DYNC2H1: variants seen among roughly 807,000 people sequenced by gnomAD.
DYNC2H1 encodes dynein cytoplasmic 2 heavy chain 1.
In DYNC2H1, 410 loss-of-function variants were observed where a neutral mutation model predicts 570.0. That is an observed-to-expected ratio of 0.72 (90% CI 0.66 to 0.78). The LOEUF (loss-of-function observed/expected upper bound fraction) is 0.78. Among genes scored for constraint, DYNC2H1 ranks in the 30% least tolerant of loss-of-function variants. The pLI is 0.00. For synonymous variants in DYNC2H1, 1,688 were observed against 1,677.6 expected (o/e 1.01, Z -0.15); for missense variants, 4,865 against 5,046.4 (o/e 0.96, Z 1.09).
At position 103,109,554 on chromosome 11, in the gene DYNC2H1, T is replaced by C. The variant is rs1359870998; in HGVS notation, c.-21T>C. The C allele has an allele frequency of 6.2e-7, 1 of 1,609,564 alleles. No homozygotes were observed. On this transcript the variant is annotated 5_prime_UTR_variant, in exon 1 of 89. Coordinates refer to ENST00000375735, the MANE Select transcript of DYNC2H1 (RefSeq NM_001377.3). ...CTTCTTCCTTCCCCCTTCCCCCAAC[T>C]TCCCTCCACCCCTTCCAATCATGGC...
Position 103,439,707 on chromosome 11 carries a change from T to A in DYNC2H1, c.12456+3675T>A, listed in dbSNP as rs1944195412. ...GCAGCCTTGCATTCACTCTCTGGTTTCTGTAAGATCCTTTAGAGCAAAGAT... is the reference window on the plus strand; with the variant it reads ...GCAGCCTTGCATTCACTCTCTGGTTACTGTAAGATCCTTTAGAGCAAAGAT... On this transcript the variant is annotated intron_variant, in intron 85 of 88. Coordinates refer to ENST00000375735, the MANE Select transcript of DYNC2H1 (RefSeq NM_001377.3). The surrounding 1 kb of genome is among the most constrained non-coding windows in gnomAD (Gnocchi z 4.1). 6.6e-6 allele frequency among the ~76,000 whole-genome samples: 1 copy of A among 152,010 alleles called. No individual in the cohort carries two copies. Among genetic ancestry groups the A allele is most frequent in the African/African-American group, 2.4e-5 (1 of 41,384 alleles).
chr11:103,448,744 C>T (rs1479929572), intron 85 of DYNC2H1, among the ~76,000 whole-genome samples: 1 of 152,084 alleles, frequency 6.6e-6, no homozygotes, highest in Non-Finnish European at 1.5e-5. Flanking sequence ...TTACCTGTTT[C>T]TTGGTTAAGG....
intron 75 of DYNC2H1, among the ~76,000 whole-genome samples, chr11:103,301,102 A>G (rs373748552): frequency 5.8e-4 from 88 of 152,048 alleles, no homozygotes; most frequent in African/African-American, 2.0e-3. Context: ...AAGTGTATAC[A>G]TTACAATATG....
chr11:103,226,529 C>T (rs1045419643), intron 59 of DYNC2H1, among the ~76,000 whole-genome samples: 5 of 152,012 alleles, frequency 3.3e-5, no homozygotes, highest in South Asian at 2.1e-4. Flanking sequence ...ATCGACTTAA[C>T]GTATGTTAAA....
intron 84 of DYNC2H1, among the ~76,000 whole-genome samples, chr11:103,417,443 G>A (rs538802976): frequency 6.6e-6 from 1 of 152,242 alleles, no homozygotes; most frequent in East Asian, 1.9e-4. Context: ...CATTATAGGT[G>A]AAAACCCTTC....
chr11:103,236,360 A>T, intron 62 of DYNC2H1, 70 bp from the exon 63 acceptor site: 1 of 952,280 alleles, frequency 1.1e-6, no homozygotes, highest in Admixed American at 1.8e-5. Context: ...CGGAATAAAT[A>T]GCTTTATTTC....
intron 84 of DYNC2H1, among the ~76,000 whole-genome samples, chr11:103,433,737 A>C (rs1180523602): frequency 6.6e-6 from 1 of 152,168 alleles, no homozygotes; most frequent in Admixed American, 6.6e-5. Flanking sequence ...TAAAGGGATA[A>C]AATTGTCATT....
At chr11:103,279,228 A>G (rs1279297180) in intron 70 of DYNC2H1, among the ~76,000 whole-genome samples, 7 of 152,228 alleles carry the variant, frequency 4.6e-5, no homozygotes, top group African/African-American at 7.2e-5. Context: ...TAATAAAGAC[A>G]TAATTTTATT....
intron 73 of DYNC2H1, 89 bp from the exon 74 acceptor site, chr11:103,286,166 T>G: frequency 1.3e-6 from 2 of 1,496,900 alleles, no homozygotes; most frequent in East Asian, 2.3e-5. Context: ...CAACCAATAA[T>G]TGGTTCTCAC....
chr11:103,144,389 T>G (rs1473937470), intron 18 of DYNC2H1, among the ~76,000 whole-genome samples: 2 of 152,204 alleles, frequency 1.3e-5, no homozygotes, highest in Non-Finnish European at 2.9e-5. Flanking sequence ...ATAGTCTATA[T>G]TCCATATTAA....
intron 73 of DYNC2H1, among the ~76,000 whole-genome samples, chr11:103,284,032 C>A (rs576976954): frequency 1.2e-4 from 18 of 152,066 alleles, no homozygotes; most frequent in South Asian, 8.3e-4. Flanking sequence ...CAGAACCCTG[C>A]AAAGTTGGTT....
intron 83 of DYNC2H1, among the ~76,000 whole-genome samples, chr11:103,358,944 T>G (rs1286589375): frequency 1.3e-5 from 2 of 152,212 alleles, no homozygotes; most frequent in African/African-American, 4.8e-5. Context: ...AGAAAACCAA[T>G]GGCAAAAGTA....
In DYNC2H1 at chr11:103,368,756, A is replaced by G. The variant is rs187770107; in HGVS notation, c.12156+10397A>G. Among the ~76,000 whole-genome samples, 21 of 152,306 alleles carry G rather than the reference A, an allele frequency of 1.4e-4. No homozygotes were observed. The East Asian group carries it at 3.5e-3, about 25-fold the overall frequency. ...ATTTATTTTTATTTTATTTTTGTAT[A>G]TAATGAGAGGTAGGGGTCTAGTCTC... is the stretch of plus-strand genomic sequence containing the variant. On this transcript the variant is annotated intron_variant, in intron 83 of 88. Transcript: ENST00000375735.
chr11:103,152,102 T>G, intron 20 of DYNC2H1, 34 bp from the exon 21 acceptor site: 1 of 1,456,320 alleles, frequency 6.9e-7, no homozygotes, highest in South Asian at 1.3e-5. Context: ...AAATAGGTTG[T>G]TATTCAATTT....
chr11:103,307,039 T>C (rs548270835), intron 77 of DYNC2H1, among the ~76,000 whole-genome samples: 1 of 152,258 alleles, frequency 6.6e-6, no homozygotes, highest in East Asian at 1.9e-4. Flanking sequence ...CACTAAGACA[T>C]AATATTTAAA....
chr11:103,203,559 T>C lies in DYNC2H1; in HGVS notation c.8198-104T>C. ...TCAAGTAGAGGTAATAAAGTTTGTATATTTTTGGAAATAAAGATTGAATAA... is the reference window on the plus strand; with the variant it reads ...TCAAGTAGAGGTAATAAAGTTTGTACATTTTTGGAAATAAAGATTGAATAA... On this transcript the variant is annotated intron_variant, in intron 50 of 88. Transcript: ENST00000375735. The surrounding 1 kb of genome is among the most constrained non-coding windows in gnomAD (Gnocchi z 4.7). 1 of 687,194 alleles carries C rather than the reference T, an allele frequency of 1.5e-6. No homozygotes were observed. The highest frequency in any genetic ancestry group is 2.3e-6 in the Non-Finnish European group (1 of 428,694). The allele number at this position is 687,194 out of a possible 1,614,324, so 42.6% of individuals were successfully genotyped here. A position where few individuals can be genotyped will look rare whatever the true frequency, so the allele number is the denominator to read the frequency against.
At chr11:103,114,261 AAG>A (rs746341542) in intron 3 of DYNC2H1, 23 bp downstream of exon 3, 1 of 1,537,256 alleles carries the variant, frequency 6.5e-7, no homozygotes. Flanking sequence ...AGCTTAATAA[AAG>A]AGAGTACAAA....
At position 103,268,588 on chromosome 11, in the gene DYNC2H1, T is replaced by C. The variant is rs1016504690; in HGVS notation, c.10695+8611T>C. Among the ~76,000 whole-genome samples the C allele has an allele frequency of 2.6e-5, 4 of 151,996 alleles. No individual in the cohort carries two copies. The highest frequency in any genetic ancestry group is 9.6e-5 in the African/African-American group (4 of 41,466). On this transcript the variant is annotated intron_variant, in intron 70 of 88. Transcript: ENST00000375735. The surrounding 1 kb of genome is among the most constrained non-coding windows in gnomAD (Gnocchi z 4.6). The stretch of plus-strand genomic sequence containing the variant: ...GTTATTGGTCAGTCTTGTAATAATG[T>C]GTTTAATGGTTTTTAAATTTTTATT...
chr11:103,145,958 C>A lies in DYNC2H1; in HGVS notation c.2703-1814C>A, dbSNP rs1266508957. On this transcript the variant is annotated intron_variant, in intron 18 of 88. Transcript: ENST00000375735. This position sits in a 1 kb window ranked among gnomAD's most constrained non-coding sequence, Gnocchi z 4.2. ...AGATCACTTTATGTTAATTCATTAG[C>A]AAAATACAGTATAATATAACCTTTT... is the stretch of plus-strand genomic sequence containing the variant. 6.6e-6 allele frequency among the ~76,000 whole-genome samples: 1 copy of A among 152,138 alleles called. No homozygotes were observed. Among genetic ancestry groups the A allele is most frequent in the Non-Finnish European group, 1.5e-5 (1 of 68,000 alleles).
Sources: allele counts gnomAD v4.1 joint callset (sites outside exome capture counted in the v4.1 genomes callset), GRCh38; gene constraint gnomAD v4.1.1; non-coding constraint Gnocchi (gnomAD v3.1); transcripts MANE v1.5; gene names NCBI Gene and HGNC (gene_info 2026-07-23, HGNC 2026-07-21).